NHS: variants seen among roughly 807,000 people sequenced by gnomAD.
NHS encodes actin remodeling regulator NHS.
In NHS, 5 loss-of-function variants were observed where a neutral mutation model predicts 72.5. That is an observed-to-expected ratio of 0.07 (90% CI 0.04 to 0.14). The LOEUF is 0.14. NHS is among the 10% of genes least tolerant of loss of function. The pLI is 1.00. For synonymous variants in NHS, 464 were observed against 547.7 expected (o/e 0.85, Z 2.13); for missense variants, 1,072 against 1,355.7 (o/e 0.79, Z 3.29).
chrX:17,659,365 T>G (rs1052000643), intron 1 of NHS, among the ~76,000 whole-genome samples: 1 of 112,516 alleles, frequency 8.9e-6, no homozygotes, highest in Non-Finnish European at 1.9e-5. Flanking sequence ...TTCCACCTCC[T>G]CTTTCCTGTC....
chrX:17,648,654 G>C (rs2065916970), intron 1 of NHS, among the ~76,000 whole-genome samples: 1 of 112,429 alleles, frequency 8.9e-6, no homozygotes, highest in Admixed American at 9.4e-5. Flanking sequence ...AAATAAATGG[G>C]AGAAAAGGGG....
At chrX:17,422,783 G>T (rs191603375) in intron 1 of NHS, among the ~76,000 whole-genome samples, 1 of 111,989 alleles carries the variant, frequency 8.9e-6, no homozygotes, top group East Asian at 2.8e-4. Flanking sequence ...AAGAACCTAT[G>T]AGACACTTTG....
chrX:17,412,029 A>G (rs1323933252), intron 1 of NHS, among the ~76,000 whole-genome samples: 2 of 110,864 alleles, frequency 1.8e-5, no homozygotes, highest in Non-Finnish European at 3.8e-5. Flanking sequence ...TGAAGTTTGC[A>G]GTGACATAGA....
At chrX:17,661,401 T>C (rs1208579704) in intron 1 of NHS, among the ~76,000 whole-genome samples, 1 of 110,720 alleles carries the variant, frequency 9.0e-6, no homozygotes, top group African/African-American at 3.3e-5. Context: ...TAGGTATTTC[T>C]CCTAATGCTA....
At chrX:17,669,440 G>A (rs1334327410) in intron 1 of NHS, among the ~76,000 whole-genome samples, 2 of 112,108 alleles carry the variant, frequency 1.8e-5, no homozygotes, top group African/African-American at 6.5e-5. Flanking sequence ...GGATAAGAAC[G>A]TTATTCCAGT....
intron 1 of NHS, among the ~76,000 whole-genome samples, chrX:17,478,524 A>G: frequency 8.9e-6 from 1 of 111,756 alleles, no homozygotes; most frequent in Non-Finnish European, 1.9e-5. Flanking sequence ...AGTGTAGTTT[A>G]TGGCTATTGC....
At chrX:17,603,536 T>C (rs1275185990) in intron 1 of NHS, among the ~76,000 whole-genome samples, 3 of 112,087 alleles carry the variant, frequency 2.7e-5, no homozygotes, top group Non-Finnish European at 5.6e-5. Flanking sequence ...AATTTGCTTT[T>C]TTTTTCTCTT....
intron 1 of NHS, among the ~76,000 whole-genome samples, chrX:17,465,428 C>G (rs2064866814): frequency 9.0e-6 from 1 of 111,431 alleles, no homozygotes; most frequent in Admixed American, 9.5e-5. Context: ...GGAAAGGACT[C>G]TTTATGCCCT....
chrX:17,708,019 A>G (rs1186517850), intron 3 of NHS, among the ~76,000 whole-genome samples: 1 of 111,944 alleles, frequency 8.9e-6, no homozygotes, highest in East Asian at 2.8e-4. Flanking sequence ...TAGTTTTACA[A>G]GCTCTCTCAG....
intron 1 of NHS, among the ~76,000 whole-genome samples, chrX:17,679,606 T>C (rs1459395673): frequency 1.8e-5 from 2 of 110,550 alleles, no homozygotes; most frequent in Non-Finnish European, 3.8e-5. Context: ...TAGAAGGCTT[T>C]TGTTGAAGAT....
chrX:17,503,932 AC>A (rs1159859312), intron 1 of NHS, among the ~76,000 whole-genome samples: 1 of 111,492 alleles, frequency 9.0e-6, no homozygotes, highest in African/African-American at 3.3e-5. Context: ...ACATTCCAAG[AC>A]CCACCAATGC....
chrX:17,512,234 G>A lies in NHS; in HGVS notation c.565+135912G>A, dbSNP rs372593150. 2.1e-4 allele frequency among the ~76,000 whole-genome samples: 24 copies of A among 111,669 alleles called. No individual in the cohort carries two copies. The East Asian group carries it at 5.6e-3, about 26-fold the overall frequency. On this transcript the variant is annotated intron_variant, in intron 1 of 8. Transcript: ENST00000676302. ...TGCAATAAAAACCACAGGGCTTGTG[G>A]GATAAATGAGATTAGGGGGCACAAC...
intron 1 of NHS, among the ~76,000 whole-genome samples, chrX:17,652,692 A>G (rs1601818866): frequency 1.8e-5 from 2 of 111,762 alleles, no homozygotes; most frequent in East Asian, 5.6e-4. Context: ...TATAGTTAAC[A>G]AGAATTTATT....
At chrX:17,497,458 G>A (rs1271912283) in intron 1 of NHS, among the ~76,000 whole-genome samples, 1 of 111,319 alleles carries the variant, frequency 9.0e-6, no homozygotes, top group Non-Finnish European at 1.9e-5. Flanking sequence ...TAACAGTCAT[G>A]TATCAACCAT....
intron 4 of NHS, among the ~76,000 whole-genome samples, chrX:17,720,355 G>A (rs2066398701): frequency 8.9e-6 from 1 of 112,111 alleles, no homozygotes; most frequent in African/African-American, 3.2e-5. Context: ...CAAATGTAAA[G>A]ATGGGAAAAT....
At chrX:17,607,610 A>G (rs1174757313) in intron 1 of NHS, among the ~76,000 whole-genome samples, 1 of 111,505 alleles carries the variant, frequency 9.0e-6, no homozygotes, top group Non-Finnish European at 1.9e-5. Context: ...AAATGGAATC[A>G]TTGATAACAC....
At chrX:17,673,480 A>C (rs900530586) in intron 1 of NHS, among the ~76,000 whole-genome samples, 1 of 111,576 alleles carries the variant, frequency 9.0e-6, no homozygotes, top group African/African-American at 3.3e-5. Flanking sequence ...GCCCTCGAGC[A>C]AGCAACTTAA....
At chrX:17,449,296 T>A (rs1230400880) in intron 1 of NHS, among the ~76,000 whole-genome samples, 1 of 113,221 alleles carries the variant, frequency 8.8e-6, no homozygotes, top group Non-Finnish European at 1.9e-5. Flanking sequence ...CCTAGAGCTG[T>A]AGTGTTCGTG....
chrX:17,549,697 A>G (rs751240969), intron 1 of NHS, among the ~76,000 whole-genome samples: 1 of 111,966 alleles, frequency 8.9e-6, no homozygotes, highest in South Asian at 3.8e-4. Context: ...TTATTCTCCA[A>G]GAGGAAGCTC....
Sources: gnomAD v4.1 joint callset for allele counts (sites outside exome capture counted in the v4.1 genomes callset) on GRCh38, gnomAD v4.1.1 for gene constraint, MANE v1.5 for transcripts, NCBI Gene and HGNC (gene_info 2026-07-23, HGNC 2026-07-21) for gene names.